Variants in RUNDC3B observed in about 807,000 individuals in gnomAD.
RUNDC3B encodes RUN domain-containing protein 3B.
A neutral mutation model predicts 58.4 loss-of-function variants in RUNDC3B; 33 were observed. The observed-to-expected ratio is 0.56, with a 90% confidence interval of 0.43 to 0.75. RUNDC3B has a LOEUF of 0.75. Among genes scored for constraint, RUNDC3B ranks in the 30% least tolerant of loss-of-function variants. The pLI is 0.00. For missense variants in RUNDC3B, 501 were observed against 535.7 expected (o/e 0.94, Z 0.64); for synonymous variants, 193 against 195.2 (o/e 0.99, Z 0.10).
intron 6 of RUNDC3B, among the ~76,000 whole-genome samples, chr7:87,753,257 G>C (rs1833135846): frequency 1.3e-5 from 2 of 150,894 alleles, no homozygotes; most frequent in African/African-American, 2.4e-5. Flanking sequence ...TATAATTTCT[G>C]TTCTTTTACA....
intron 4 of RUNDC3B, among the ~76,000 whole-genome samples, chr7:87,711,042 A>G (rs1212399300): frequency 6.6e-6 from 1 of 151,976 alleles, no homozygotes; most frequent in Non-Finnish European, 1.5e-5. Context: ...AAGAATATAC[A>G]TTGGCCGGGC....
chr7:87,655,637 C>G (rs561295155), intron 2 of RUNDC3B, among the ~76,000 whole-genome samples: 22 of 152,186 alleles, frequency 1.4e-4, no homozygotes, highest in African/African-American at 4.6e-4. Flanking sequence ...TTCAAGAGAT[C>G]TATTGTACAA....
Position 87,829,961 on chromosome 7 carries a change from C to T in RUNDC3B, c.1302C>T (p.Ser434=), listed in dbSNP as rs187588449. 1.6e-5 allele frequency: 26 copies of T among 1,608,786 alleles called. 1 individual carries two copies. The East Asian group carries it at 2.0e-4, about 12-fold the overall frequency. The change falls in exon 11 of 11, where the codon AGC becomes AGT. Residue 434 remains serine, a synonymous_variant. Coordinates refer to ENST00000394654, the MANE Select transcript of RUNDC3B (RefSeq NM_001134405.2). Reference sequence around the variant, plus strand: ...TGGCAAGTTACAAGTCTCTAACAAGCTTAAAATCTAATGACTACCTTGCAA... The same window carrying T: ...TGGCAAGTTACAAGTCTCTAACAAGTTTAAAATCTAATGACTACCTTGCAA... ...TSVASYKSLT[S]LKSNDYLASP... is the part of the protein sequence containing the mutation.
intron 3 of RUNDC3B, among the ~76,000 whole-genome samples, chr7:87,702,264 GTTTTATTTTA>G (rs575267106): frequency 1.0e-3 from 149 of 143,196 alleles, no homozygotes; most frequent in Non-Finnish European, 1.8e-3. Context: ...TGGGTTTATT[GTTTTATTTTA>G]TTTTATTTTA....
chr7:87,790,868 AAGTCAT>A (rs1835488696), intron 8 of RUNDC3B, among the ~76,000 whole-genome samples: 1 of 152,168 alleles, frequency 6.6e-6, no homozygotes, highest in Admixed American at 6.6e-5. Context: ...GAGCAAATCT[AAGTCAT>A]TCACCTTGAA....
intron 6 of RUNDC3B, among the ~76,000 whole-genome samples, chr7:87,761,050 T>C (rs536753713): frequency 1.8e-4 from 28 of 152,090 alleles, no homozygotes; most frequent in African/African-American, 6.7e-4. Flanking sequence ...ACCCAAAGAC[T>C]GGGAGAAAAT....
chr7:87,746,162 G>T (rs1832629081), intron 6 of RUNDC3B, among the ~76,000 whole-genome samples: 1 of 152,142 alleles, frequency 6.6e-6, no homozygotes, highest in African/African-American at 2.4e-5. Context: ...TAGTCTGAGA[G>T]AGTGCTTGAT....
At chr7:87,643,129 A>T (rs1584980940) in intron 1 of RUNDC3B, among the ~76,000 whole-genome samples, 1 of 151,888 alleles carries the variant, frequency 6.6e-6, no homozygotes, top group Non-Finnish European at 1.5e-5. Context: ...TGTTGCTCAA[A>T]CTCCTGACCT....
At position 87,711,730 on chromosome 7, in the gene RUNDC3B, T is replaced by A. The variant is rs1351283824; in HGVS notation, c.458+1075T>A. On this transcript the variant is annotated intron_variant, in intron 4 of 10. Coordinates refer to ENST00000394654, the MANE Select transcript of RUNDC3B (RefSeq NM_001134405.2). ...TTAGTTTCTCAAGTGCTGTATCACA[T>A]TTCAGATGTCCCATTGCCACATGTA... Among the ~76,000 whole-genome samples the A allele has an allele frequency of 2.0e-5, 3 of 152,304 alleles. No individual in the cohort carries two copies. In the East Asian group the frequency reaches 5.8e-4, roughly 29 times the overall value.
At chr7:87,665,301 C>G (rs1825115108) in intron 2 of RUNDC3B, among the ~76,000 whole-genome samples, 2 of 151,950 alleles carry the variant, frequency 1.3e-5, no homozygotes, top group South Asian at 4.2e-4. Context: ...TAAAAATGAA[C>G]TATCCAAAAA....
chr7:87,726,634 C>T (rs1239871036), intron 4 of RUNDC3B, among the ~76,000 whole-genome samples: 2 of 152,078 alleles, frequency 1.3e-5, no homozygotes, highest in Non-Finnish European at 2.9e-5. Context: ...TGAAGAAAGT[C>T]ATTGGTAGCT....
At chr7:87,816,293 C>T in intron 10 of RUNDC3B, 31 bp downstream of exon 10, 1 of 1,578,420 alleles carries the variant, frequency 6.3e-7, no homozygotes, top group South Asian at 1.1e-5. Flanking sequence ...TTGAAAATTA[C>T]TCTTTTCCTG....
intron 3 of RUNDC3B, among the ~76,000 whole-genome samples, chr7:87,708,290 G>A (rs1443034367): frequency 6.6e-6 from 1 of 152,080 alleles, no homozygotes; most frequent in East Asian, 1.9e-4. Context: ...TTACCGATAT[G>A]AGGAATGAAG....
intron 2 of RUNDC3B, among the ~76,000 whole-genome samples, chr7:87,693,609 CT>C (rs1828211683): frequency 6.6e-6 from 1 of 152,076 alleles, no homozygotes; most frequent in South Asian, 2.1e-4. Context: ...TTTATTACAT[CT>C]GAGAAAGAAT....
chr7:87,685,755 T>A (rs1827395418), intron 2 of RUNDC3B, among the ~76,000 whole-genome samples: 1 of 152,162 alleles, frequency 6.6e-6, no homozygotes, highest in African/African-American at 2.4e-5. Flanking sequence ...ATAATCATGG[T>A]TACATGACTC....
intron 10 of RUNDC3B, among the ~76,000 whole-genome samples, chr7:87,826,404 A>T (rs116516551): frequency 0.048 from 7,276 of 151,608 alleles, 259 homozygotes; most frequent in East Asian, 0.092. Flanking sequence ...GTGTGAATCC[A>T]TTAAACCTCT....
chr7:87,754,444 T>C (rs1167926457), intron 6 of RUNDC3B, among the ~76,000 whole-genome samples: 3 of 152,120 alleles, frequency 2.0e-5, no homozygotes, highest in African/African-American at 4.8e-5. Flanking sequence ...TAAGGCACTG[T>C]TAAGAAGGAA....
chr7:87,704,195 A>G (rs1361255400), intron 3 of RUNDC3B, among the ~76,000 whole-genome samples: 1 of 152,056 alleles, frequency 6.6e-6, no homozygotes, highest in Non-Finnish European at 1.5e-5. Flanking sequence ...TGCTGGGATT[A>G]TAGGCATGAG....
chr7:87,660,318 A>G (rs1445497144), intron 2 of RUNDC3B, among the ~76,000 whole-genome samples: 1 of 151,884 alleles, frequency 6.6e-6, no homozygotes, highest in Non-Finnish European at 1.5e-5. Flanking sequence ...GATTTCTTTG[A>G]TGTTATTCTA....
Sources: allele counts gnomAD v4.1 joint callset (sites outside exome capture counted in the v4.1 genomes callset), GRCh38; gene constraint gnomAD v4.1.1; transcripts MANE v1.5; gene names NCBI Gene and HGNC (gene_info 2026-07-23, HGNC 2026-07-21).